Variants in CAST observed in about 807,000 individuals in gnomAD.
CAST encodes the protein MIR583 host.
Under a neutral mutation model 119.6 loss-of-function variants are expected in CAST, and 76 were observed. The ratio of observed to expected loss-of-function variants is 0.64; its 90% confidence interval spans 0.53 to 0.77. The LOEUF is 0.77. CAST is among the 30% of genes least tolerant of loss of function. The probability of loss-of-function intolerance (pLI) is 0.00; values close to 1 mark genes in which losing one functional copy is unlikely to be tolerated. For synonymous variants in CAST, 319 were observed against 331.6 expected (o/e 0.96, Z 0.41); for missense variants, 953 against 946.5 (o/e 1.01, Z -0.09).
chr5:96,415,901 T>G, the CAST span: 3 of 694,870 alleles, frequency 4.3e-6, no homozygotes, highest in East Asian at 8.1e-5. Flanking sequence ...ATTCAAGTCC[T>G]GTAGCAACTT....
the CAST span, among the ~76,000 whole-genome samples, chr5:96,306,725 G>A: frequency 1.3e-5 from 2 of 152,114 alleles, no homozygotes; most frequent in African/African-American, 4.8e-5. Flanking sequence ...TCATTCAAGA[G>A]CAGGTTGTTC....
chr5:96,374,667 G>A, the CAST span, among the ~76,000 whole-genome samples: 2 of 152,136 alleles, frequency 1.3e-5, no homozygotes, highest in African/African-American at 4.8e-5. Flanking sequence ...AAAGCATGCT[G>A]CAAAAACTGC....
the CAST span, among the ~76,000 whole-genome samples, chr5:96,328,430 T>TCTCTCC: frequency 7.3e-6 from 1 of 136,678 alleles, no homozygotes; most frequent in African/African-American, 2.8e-5. Flanking sequence ...TCTCTCTCTC[T>TCTCTCC]CCTTGTGACA....
chr5:96,574,712 G>A (rs975599781), intron 1 of CAST, among the ~76,000 whole-genome samples: 1 of 152,108 alleles, frequency 6.6e-6, no homozygotes, highest in South Asian at 2.1e-4. Context: ...TTTTCTTTGA[G>A]GCATGAAGTT....
chr5:96,131,457 A>G, the CAST span, among the ~76,000 whole-genome samples: 1 of 151,996 alleles, frequency 6.6e-6, no homozygotes, highest in Non-Finnish European at 1.5e-5. Flanking sequence ...ATACTAAAAT[A>G]AAATAAAATA....
chr5:96,483,687 A>G, the CAST span, among the ~76,000 whole-genome samples: 10 of 152,202 alleles, frequency 6.6e-5, 1 homozygote, highest in Middle Eastern at 6.8e-3. Context: ...ACTTTACATG[A>G]TAGGCTTTTT....
intron 1 of CAST, among the ~76,000 whole-genome samples, chr5:96,622,116 C>T (rs535067391): frequency 6.6e-6 from 1 of 151,692 alleles, no homozygotes; most frequent in Admixed American, 6.6e-5. Flanking sequence ...ATTACAGGCA[C>T]CCACCACCAC....
chr5:96,035,896 C>G, the CAST span, among the ~76,000 whole-genome samples: 7 of 151,860 alleles, frequency 4.6e-5, no homozygotes, highest in Non-Finnish European at 7.4e-5. Context: ...GAAGTGGCTT[C>G]CCCATCCCTG....
the CAST span, among the ~76,000 whole-genome samples, chr5:96,456,469 G>A: frequency 6.6e-6 from 1 of 152,218 alleles, no homozygotes; most frequent in South Asian, 2.1e-4. Context: ...CACTCCCACC[G>A]TTTGGAAATC....
intron 1 of CAST, among the ~76,000 whole-genome samples, chr5:96,561,170 G>A (rs1746350775): frequency 6.9e-6 from 1 of 145,472 alleles, no homozygotes; most frequent in Non-Finnish European, 1.5e-5. Flanking sequence ...CATGGACACA[G>A]GAAGGGGAAC....
chr5:96,707,157 C>T (rs1240187593), intron 3 of CAST, among the ~76,000 whole-genome samples: 1 of 152,182 alleles, frequency 6.6e-6, no homozygotes, highest in African/African-American at 2.4e-5. Context: ...AATACATCTC[C>T]TTAGCTAGAG....
chr5:96,739,803 A>C (rs554784214), intron 11 of CAST, among the ~76,000 whole-genome samples: 1 of 152,350 alleles, frequency 6.6e-6, no homozygotes, highest in South Asian at 2.1e-4. Context: ...TTAGAAGTCA[A>C]CTTTAGTATT....
chr5:96,342,084 A>G, the CAST span, among the ~76,000 whole-genome samples: 19 of 152,304 alleles, frequency 1.2e-4, no homozygotes, highest in African/African-American at 4.3e-4. Context: ...TTCCTCACTA[A>G]TTCTCACTAA....
chr5:96,495,807 A>T, the CAST span, among the ~76,000 whole-genome samples: 1 of 152,232 alleles, frequency 6.6e-6, no homozygotes, highest in Non-Finnish European at 1.5e-5. Flanking sequence ...TTTCAAGATA[A>T]TATTTCTTTG....
chr5:95,975,191 G>T, the CAST span, among the ~76,000 whole-genome samples: 3 of 152,212 alleles, frequency 2.0e-5, no homozygotes, highest in Admixed American at 2.0e-4. Context: ...ATGCTAAGAA[G>T]TGCTGGTTTC....
intron 3 of CAST, among the ~76,000 whole-genome samples, chr5:96,708,112 G>A (rs1052458970): frequency 6.6e-6 from 1 of 152,090 alleles, no homozygotes; most frequent in African/African-American, 2.4e-5. Context: ...AATCATCAGC[G>A]TCCCTGAATA....
At chr5:96,450,168 G>A in the CAST span, among the ~76,000 whole-genome samples, 7 of 152,184 alleles carry the variant, frequency 4.6e-5, no homozygotes, top group Non-Finnish European at 8.8e-5. Context: ...TGCCCATCAA[G>A]AGATGACGAC....
At chr5:96,300,306 C>A in the CAST span, among the ~76,000 whole-genome samples, 1 of 152,004 alleles carries the variant, frequency 6.6e-6, no homozygotes, top group African/African-American at 2.4e-5. Context: ...CAATTTTATT[C>A]TTTTTTTATA....
At chr5:96,767,220 T>G (rs1180000960) in intron 27 of CAST, among the ~76,000 whole-genome samples, 1 of 151,848 alleles carries the variant, frequency 6.6e-6, no homozygotes, top group East Asian at 1.9e-4. Flanking sequence ...ACCAGACCCT[T>G]TCATATGTTT....
Sources: allele counts gnomAD v4.1 joint callset (sites outside exome capture counted in the v4.1 genomes callset), GRCh38; gene constraint gnomAD v4.1.1; transcripts MANE v1.5; gene names NCBI Gene and HGNC (gene_info 2026-07-23, HGNC 2026-07-21).